Variants in DPF3 observed in about 807,000 individuals in gnomAD.
DPF3 encodes zinc finger protein DPF3.
A neutral mutation model predicts 56.8 loss-of-function variants in DPF3; 18 were observed. The ratio of observed to expected loss-of-function variants is 0.32; its 90% CI spans 0.22 to 0.47. The LOEUF (loss-of-function observed/expected upper bound fraction) is 0.47, where lower values mean the gene tolerates loss of function less well. Among genes scored for constraint, DPF3 ranks in the 20% least tolerant of loss-of-function variants. The pLI, the probability that DPF3 is intolerant of heterozygous loss-of-function variation, is 1.00. For synonymous variants in DPF3, 188 were observed against 180.2 expected (o/e 1.04, Z -0.35); for missense variants, 403 against 488.8 (o/e 0.82, Z 1.65).
At chr14:72,842,645 G>C (rs533398680) in intron 1 of DPF3, among the ~76,000 whole-genome samples, 1 of 152,250 alleles carries the variant, frequency 6.6e-6, no homozygotes, top group South Asian at 2.1e-4. Flanking sequence ...TGTGAATTTT[G>C]GGTGGTGAAC....
intron 1 of DPF3, among the ~76,000 whole-genome samples, chr14:72,799,037 C>T (rs1369643432): frequency 6.6e-6 from 1 of 152,174 alleles, no homozygotes; most frequent in Non-Finnish European, 1.5e-5. Context: ...GTGCATTCTC[C>T]CCATCCCATG....
intron 6 of DPF3, among the ~76,000 whole-genome samples, chr14:72,707,811 ATT>A (rs35089717): frequency 4.9e-4 from 72 of 146,574 alleles, no homozygotes; most frequent in Middle Eastern, 3.5e-3. Flanking sequence ...TTTTTCCTCT[ATT>A]TTTTTTTTTT....
At chr14:72,829,804 C>T (rs961016501) in intron 1 of DPF3, among the ~76,000 whole-genome samples, 2 of 151,242 alleles carry the variant, frequency 1.3e-5, no homozygotes, top group African/African-American at 4.9e-5. Context: ...AGTGCAGTGG[C>T]GTGATCTCTG....
chr14:72,678,649 G>A lies in DPF3; in HGVS notation c.743-4281C>T, dbSNP rs1182238453. Reference sequence around the variant, plus strand: ...AAGCTCGCCCAGACCTTGTAAGTGGGATTTAAATAGAGATTTTGCTTCTGC... The same window carrying A: ...AAGCTCGCCCAGACCTTGTAAGTGGAATTTAAATAGAGATTTTGCTTCTGC... On this transcript the variant is annotated intron_variant, in intron 7 of 10. Transcript: ENST00000556509. 2.0e-5 allele frequency among the ~76,000 whole-genome samples: 3 copies of A among 152,338 alleles called. No individual in the cohort carries two copies. In the East Asian group the frequency reaches 5.8e-4, roughly 29 times the overall value.
intron 2 of DPF3, 54 bp downstream of exon 2, chr14:72,771,679 C>T (rs1891537655): frequency 6.4e-7 from 1 of 1,554,036 alleles, no homozygotes; most frequent in Admixed American, 1.9e-5. Flanking sequence ...CGGTCCTCCT[C>T]CCTCCAGGCT....
intron 2 of DPF3, among the ~76,000 whole-genome samples, chr14:72,769,730 C>T (rs1355132275): frequency 6.7e-6 from 1 of 149,788 alleles, no homozygotes; most frequent in African/African-American, 2.5e-5. Context: ...TCCTGAATGG[C>T]CAGAGATGAG....
In DPF3 at chr14:72,611,546, C is replaced by A. The variant is rs1344517631; in HGVS notation, c.*7751G>T. 6.6e-6 allele frequency among the ~76,000 whole-genome samples: 1 copy of A among 152,130 alleles called. No individual in the cohort carries two copies. Among genetic ancestry groups the A allele is most frequent in the African/African-American group, 2.4e-5 (1 of 41,430 alleles). ...CAGTCCCGCTCTCTGCTTTCTCTAG[C>A]AGGGAAAAGACCACTGTGGGGGTCA... is the stretch of plus-strand genomic sequence containing the variant. On this transcript the variant is annotated 3_prime_UTR_variant, in exon 11 of 11. Transcript: ENST00000556509.
intron 8 of DPF3, among the ~76,000 whole-genome samples, chr14:72,632,315 G>A (rs1339116242): frequency 6.6e-6 from 1 of 152,126 alleles, no homozygotes; most frequent in African/African-American, 2.4e-5. Flanking sequence ...ATTTGTACAT[G>A]TAAAACTAGT....
chr14:72,886,556 TG>T (rs1377287198), intron 1 of DPF3, among the ~76,000 whole-genome samples: 1 of 152,120 alleles, frequency 6.6e-6, no homozygotes, highest in Non-Finnish European at 1.5e-5. Context: ...ATGGCTAAAA[TG>T]GTACACTGTG....
At chr14:72,693,006 G>A in intron 7 of DPF3, 70 bp downstream of exon 7, 1 of 1,592,858 alleles carries the variant, frequency 6.3e-7, no homozygotes, top group Admixed American at 1.7e-5. Context: ...TGAGAAAAAG[G>A]AACAAGGAAC....
intron 3 of DPF3, among the ~76,000 whole-genome samples, chr14:72,744,442 T>G (rs1890247987): frequency 6.6e-6 from 1 of 151,590 alleles, no homozygotes; most frequent in Non-Finnish European, 1.5e-5. Context: ...CCTGGCTAAT[T>G]TTTGTATTTT....
chr14:72,612,991 G>GGCGTGT lies in DPF3; in HGVS notation c.*6300_*6305dup, dbSNP rs749242971. 2.8e-5 allele frequency among the ~76,000 whole-genome samples: 2 copies of GGCGTGT among 71,014 alleles called. No homozygotes were observed. The highest frequency in any genetic ancestry group is 5.9e-5 in the Non-Finnish European group (2 of 33,752). The allele number at this position is 71,014 out of a possible 152,430, so 46.6% of individuals were successfully genotyped here. ...AGTTTCCCTTTGGTTCATTAAGTAGGGCGTGTGTGTGTGTGTGTGTGTGTG... is the reference window on the plus strand; with the variant it reads ...AGTTTCCCTTTGGTTCATTAAGTAGGGCGTGTGCGTGTGTGTGTGTGTGTGTGTGTG... On this transcript the variant is annotated 3_prime_UTR_variant, in exon 11 of 11. Transcript: ENST00000556509.
chr14:72,626,734 G>A (rs1392206924), intron 9 of DPF3, among the ~76,000 whole-genome samples: 1 of 152,056 alleles, frequency 6.6e-6, no homozygotes, highest in East Asian at 1.9e-4. Context: ...GTGCATATTA[G>A]CTCTGTTAGG....
At chr14:72,702,198 G>A (rs537185896) in intron 6 of DPF3, among the ~76,000 whole-genome samples, 7 of 152,076 alleles carry the variant, frequency 4.6e-5, no homozygotes, top group Non-Finnish European at 1.0e-4. Context: ...ACGGCCTGGG[G>A]CTGACTGGCG....
At chr14:72,815,380 C>T (rs1883240288) in intron 1 of DPF3, among the ~76,000 whole-genome samples, 1 of 152,244 alleles carries the variant, frequency 6.6e-6, no homozygotes, top group South Asian at 2.1e-4. Flanking sequence ...TTACACACTG[C>T]GTGTGGGAAT....
chr14:72,792,595 G>C (rs192424717), intron 1 of DPF3, among the ~76,000 whole-genome samples: 252 of 152,164 alleles, frequency 1.7e-3, no homozygotes, highest in Non-Finnish European at 3.1e-3. Context: ...ACAGCCTCCC[G>C]ACCTTGGTCC....
At chr14:72,661,138 A>T in intron 8 of DPF3, 3 of 985,476 alleles carry the variant, frequency 3.0e-6, no homozygotes, top group Non-Finnish European at 3.6e-6. Flanking sequence ...AGTTCTACAC[A>T]GGTTGTCACT....
intron 1 of DPF3, among the ~76,000 whole-genome samples, chr14:72,791,307 A>G (rs1169399138): frequency 6.6e-6 from 1 of 151,990 alleles, no homozygotes; most frequent in Non-Finnish European, 1.5e-5. Context: ...CCCCTCCCCC[A>G]GGTCCCCCAC....
chr14:72,739,833 G>A (rs1890055521), intron 3 of DPF3, among the ~76,000 whole-genome samples: 1 of 152,196 alleles, frequency 6.6e-6, no homozygotes, highest in Non-Finnish European at 1.5e-5. Flanking sequence ...TGTTCTAGGT[G>A]CTGGGGCAAT....
Sources: allele counts gnomAD v4.1 joint callset (sites outside exome capture counted in the v4.1 genomes callset), GRCh38; gene constraint gnomAD v4.1.1; transcripts MANE v1.5; gene names NCBI Gene and HGNC (gene_info 2026-07-23, HGNC 2026-07-21).